ATP10D: variants seen among roughly 807,000 people sequenced by gnomAD.
ATP10D encodes phospholipid-transporting ATPase VD.
Under a neutral mutation model 144.8 loss-of-function variants are expected in ATP10D, and 89 were observed. The observed-to-expected ratio is 0.61, with a 90% confidence interval of 0.52 to 0.73. The LOEUF (loss-of-function observed/expected upper bound fraction) is 0.73. ATP10D is among the 30% of genes least tolerant of loss of function. The pLI is 0.00. For synonymous variants in ATP10D, 571 were observed against 615.1 expected (o/e 0.93, Z 1.06); for missense variants, 1,603 against 1,714.8 (o/e 0.93, Z 1.15).
intron 10 of ATP10D, among the ~76,000 whole-genome samples, chr4:47,548,811 A>G (rs959686697): frequency 2.0e-5 from 3 of 152,192 alleles, no homozygotes; most frequent in African/African-American, 7.2e-5. Flanking sequence ...AAACAAGTTG[A>G]TTTTATCTTT....
At chr4:47,569,964 G>T (rs1427214826) in intron 16 of ATP10D, among the ~76,000 whole-genome samples, 1 of 152,152 alleles carries the variant, frequency 6.6e-6, no homozygotes, top group African/African-American at 2.4e-5. Flanking sequence ...GTTATTAAAG[G>T]CCAGAGAAGC....
At chr4:47,520,735 A>AT in intron 3 of ATP10D, among the ~76,000 whole-genome samples, 1 of 151,766 alleles carries the variant, frequency 6.6e-6, no homozygotes, top group Non-Finnish European at 1.5e-5. Context: ...TACCCGGCTA[A>AT]TTTTTTGTAT....
intron 21 of ATP10D, among the ~76,000 whole-genome samples, chr4:47,585,624 C>T (rs1050456594): frequency 6.6e-5 from 10 of 151,980 alleles, no homozygotes; most frequent in African/African-American, 2.4e-4. Flanking sequence ...ATTAACCATC[C>T]CCACCTCCCC....
chr4:47,559,149 G>A, intron 13 of ATP10D, 120 bp downstream of exon 13: 2 of 688,908 alleles, frequency 2.9e-6, no homozygotes, highest in East Asian at 2.8e-5. Context: ...CTGGACACTG[G>A]CTCTCTTTTT....
At chr4:47,565,609 A>G (rs1041139817) in intron 15 of ATP10D, among the ~76,000 whole-genome samples, 4 of 152,164 alleles carry the variant, frequency 2.6e-5, no homozygotes, top group Admixed American at 1.3e-4. Flanking sequence ...TGAGCATTAA[A>G]TGAAAAAATA....
intron 1 of ATP10D, among the ~76,000 whole-genome samples, chr4:47,488,612 C>CAAAAAAAAAAA (rs56859197): frequency 2.2e-5 from 2 of 91,316 alleles, no homozygotes; most frequent in Non-Finnish European, 2.3e-5. Context: ...ATATAATAAG[C>CAAAAAAAAAAA]AAAAAAAAAA....
chr4:47,587,282 C>T (rs2351790), intron 22 of ATP10D, 76 bp downstream of exon 22: 9 of 1,344,826 alleles, frequency 6.7e-6, no homozygotes, highest in Middle Eastern at 1.9e-4. Context: ...TACACTACTA[C>T]GAATGGTTGG....
At chr4:47,587,335 A>G in intron 22 of ATP10D, 129 bp downstream of exon 22, 1 of 836,564 alleles carries the variant, frequency 1.2e-6, no homozygotes, top group Non-Finnish European at 1.8e-6. Context: ...TTTGTGTCCT[A>G]GTTAAAATAT....
rs1389012626 is a variant in ATP10D at position 47,568,982 on chromosome 4, C to A, written c.2999C>A (p.Thr1000Asn). 6.2e-7 allele frequency: 1 copy of A among 1,614,096 alleles called. No individual in the cohort carries two copies. The highest frequency in any genetic ancestry group is 1.3e-5 in the African/African-American group (1 of 74,930). ...DSGLRAGLII[T>N]GKTLEFALQE... ...GGGTTACGAGCTGGACTCATTATCA[C>A]TGGGAAGACCCTGGAGTTTGCCCTG... Residue 1000 changes from threonine (T) to asparagine (N), a missense_variant, in exon 16 of 23, where the codon ACT (threonine) becomes AAT (asparagine). Physicochemically the swap from Thr to Asn is moderately conservative, Grantham distance 65 (BLOSUM62 0). Transcript: ENST00000273859.
At chr4:47,554,594 G>C (rs1718883448) in intron 10 of ATP10D, 132 bp from the exon 11 acceptor site, 5 of 680,984 alleles carry the variant, frequency 7.3e-6, no homozygotes, top group Non-Finnish European at 1.2e-5. Context: ...CATTACAATT[G>C]TTTTTAGAAA....
chr4:47,583,811 A>G (rs1412600496), intron 21 of ATP10D, among the ~76,000 whole-genome samples: 5 of 152,242 alleles, frequency 3.3e-5, no homozygotes, highest in Admixed American at 6.5e-5. Flanking sequence ...GAACAAAATA[A>G]AGAAAAGCAA....
At chr4:47,535,670 A>G (rs1717808760) in intron 6 of ATP10D, 55 bp downstream of exon 6, 8 of 1,523,242 alleles carry the variant, frequency 5.3e-6, no homozygotes, top group Admixed American at 4.4e-5. Flanking sequence ...ACAAGTTAAC[A>G]TTTTTCATTT....
intron 10 of ATP10D, among the ~76,000 whole-genome samples, chr4:47,552,923 A>G (rs1718796162): frequency 1.3e-5 from 2 of 152,236 alleles, no homozygotes; most frequent in Admixed American, 6.5e-5. Flanking sequence ...TCTCTGAGAA[A>G]TGCTGAAATT....
chr4:47,588,581 G>A (rs1720890716), intron 22 of ATP10D, among the ~76,000 whole-genome samples: 1 of 152,160 alleles, frequency 6.6e-6, no homozygotes, highest in African/African-American at 2.4e-5. Context: ...TTACAGAAAA[G>A]GTTTGCCCGC....
chr4:47,563,655 A>C lies in ATP10D; in HGVS notation c.2743A>C (p.Lys915Gln). 7 of 1,614,016 alleles carry C rather than the reference A, an allele frequency of 4.3e-6. No individual in the cohort carries two copies. Among genetic ancestry groups the C allele is most frequent in the Non-Finnish European group, 5.9e-6 (7 of 1,179,954 alleles). Residue 915 changes from lysine (K) to glutamine (Q), a missense_variant, in exon 15 of 23, where the codon AAG (lysine) becomes CAG (glutamine). Lys to Gln is a moderately conservative substitution (Grantham distance 53, BLOSUM62 1). Coordinates refer to ENST00000273859, the MANE Select transcript of ATP10D (RefSeq NM_020453.4). ...SIEALHKAGI[K>Q]IWMLTGDKQE... ...AGAAGCTCTTCACAAAGCGGGCATC[A>C]AGATCTGGATGCTGACAGGGGACAA...
chr4:47,513,862 G>A (rs1379973939), intron 2 of ATP10D, among the ~76,000 whole-genome samples: 1 of 152,176 alleles, frequency 6.6e-6, no homozygotes, highest in Non-Finnish European at 1.5e-5. Context: ...GATGATGGCA[G>A]AGAAAACATT....
intron 1 of ATP10D, among the ~76,000 whole-genome samples, chr4:47,510,559 G>A (rs925504696): frequency 1.3e-5 from 2 of 152,176 alleles, no homozygotes; most frequent in South Asian, 2.1e-4. Flanking sequence ...GTGACTTGGG[G>A]AAAGATGTAG....
chr4:47,525,248 C>T lies in ATP10D; in HGVS notation c.691-309C>T, dbSNP rs558051416. On this transcript the variant is annotated intron_variant, in intron 4 of 22. Transcript: ENST00000273859. Reference sequence around the variant, plus strand: ...AACAACAAAAGTATTTTCAGTTTTTCAGTGCTTTATTGATAAAAAGGTGTT... The same window carrying T: ...AACAACAAAAGTATTTTCAGTTTTTTAGTGCTTTATTGATAAAAAGGTGTT... Among the ~76,000 whole-genome samples, 241 of 152,228 alleles carry T rather than the reference C, an allele frequency of 1.6e-3. 1 individual carries two copies. The highest frequency in any genetic ancestry group is 5.4e-3 in the African/African-American group (223 of 41,556).
At chr4:47,569,180 C>A in intron 16 of ATP10D, 34 bp downstream of exon 16, 1 of 1,588,436 alleles carries the variant, frequency 6.3e-7, no homozygotes, top group Non-Finnish European at 8.6e-7. Context: ...CTGCTCTTCT[C>A]CCTTTCACAC....
Sources: allele counts gnomAD v4.1 joint callset (sites outside exome capture counted in the v4.1 genomes callset), GRCh38; gene constraint gnomAD v4.1.1; transcripts MANE v1.5; gene names NCBI Gene and HGNC (gene_info 2026-07-23, HGNC 2026-07-21).